Variants in PRR16 observed in about 807,000 individuals in gnomAD.
PRR16 encodes the protein proline rich 16.
PRR16 carries 6 observed loss-of-function variants against 18.2 expected under a neutral mutation model. The observed-to-expected ratio is 0.33, with a 90% confidence interval of 0.18 to 0.65. PRR16 has a LOEUF of 0.65. PRR16 is among the 30% of genes least tolerant of loss of function. The probability of loss-of-function intolerance (pLI) is 0.74; values close to 1 mark genes in which losing one functional copy is unlikely to be tolerated. For synonymous variants in PRR16, 151 were observed against 147.8 expected (o/e 1.02, Z -0.16); for missense variants, 412 against 376.6 (o/e 1.09, Z -0.78).
At chr5:120,785,589 T>TTTTTTTTTTTTTTTTTTTA in the PRR16 span, among the ~76,000 whole-genome samples, 1 of 144,100 alleles carries the variant, frequency 6.9e-6, no homozygotes. Context: ...TTTTTTTTTT[T>TTTTTTTTTTTTTTTTTTTA]TGAGACAGAG....
At chr5:120,528,038 A>T (rs1256915734) in intron 1 of PRR16, among the ~76,000 whole-genome samples, 1 of 152,184 alleles carries the variant, frequency 6.6e-6, no homozygotes, top group Non-Finnish European at 1.5e-5. Flanking sequence ...TTTAGGTAAA[A>T]GTTAGAATGG....
chr5:120,508,594 A>G (rs1438013431), intron 1 of PRR16, among the ~76,000 whole-genome samples: 1 of 152,098 alleles, frequency 6.6e-6, no homozygotes. Context: ...GCCCCTCCCC[A>G]TATCATTAGA....
chr5:120,547,036 G>A (rs1399637937), intron 1 of PRR16, among the ~76,000 whole-genome samples: 1 of 152,050 alleles, frequency 6.6e-6, no homozygotes, highest in Non-Finnish European at 1.5e-5. Flanking sequence ...GGTAAGTTTT[G>A]AGATGTTGCT....
the PRR16 span, among the ~76,000 whole-genome samples, chr5:120,703,065 C>T: frequency 4.6e-5 from 7 of 151,606 alleles, no homozygotes; most frequent in Admixed American, 3.9e-4. Flanking sequence ...AGAGAGTCAG[C>T]GAAGGGAGAT....
chr5:120,544,499 T>A (rs969409091), intron 1 of PRR16, among the ~76,000 whole-genome samples: 4 of 152,114 alleles, frequency 2.6e-5, no homozygotes, highest in Non-Finnish European at 5.9e-5. Context: ...TGCACACACA[T>A]GTATGTGTAT....
intron 1 of PRR16, among the ~76,000 whole-genome samples, chr5:120,622,298 G>C (rs1163814817): frequency 6.6e-6 from 1 of 151,892 alleles, no homozygotes; most frequent in Admixed American, 6.6e-5. Flanking sequence ...TCTACAGTTA[G>C]TTCTTGTTTT....
intron 1 of PRR16, among the ~76,000 whole-genome samples, chr5:120,649,241 A>G (rs17146893): frequency 0.054 from 8,166 of 152,140 alleles, 754 homozygotes; most frequent in African/African-American, 0.19. Context: ...TGAAGTTAGT[A>G]TGAGTATTAA....
the PRR16 span, among the ~76,000 whole-genome samples, chr5:120,736,537 C>CTTTTTTTT: frequency 5.6e-5 from 3 of 54,020 alleles, no homozygotes; most frequent in Admixed American, 2.3e-4. Flanking sequence ...AGTGTAAAGG[C>CTTTTTTTT]TTTTTTTTTT....
At chr5:120,716,162 C>G in the PRR16 span, among the ~76,000 whole-genome samples, 2 of 152,094 alleles carry the variant, frequency 1.3e-5, no homozygotes, top group South Asian at 4.1e-4. Context: ...GCTACAGTTA[C>G]TCAACATATA....
At chr5:120,605,895 C>T (rs1467955827) in intron 1 of PRR16, among the ~76,000 whole-genome samples, 5 of 152,122 alleles carry the variant, frequency 3.3e-5, no homozygotes, top group Non-Finnish European at 7.3e-5. Context: ...TAGTAGGGGG[C>T]CATGCATTCA....
At chr5:120,480,662 GAAGA>G (rs1194245838) in intron 1 of PRR16, among the ~76,000 whole-genome samples, 26 of 152,150 alleles carry the variant, frequency 1.7e-4, no homozygotes, top group Admixed American at 1.6e-3. Context: ...GCAAACTGAT[GAAGA>G]AAGAGAGTTA....
chr5:120,742,897 C>A, the PRR16 span, among the ~76,000 whole-genome samples: 1 of 152,156 alleles, frequency 6.6e-6, no homozygotes, highest in Non-Finnish European at 1.5e-5. Flanking sequence ...TAGCTCATGG[C>A]CCCCTTCCAG....
the PRR16 span, among the ~76,000 whole-genome samples, chr5:120,732,170 T>C: frequency 6.6e-6 from 1 of 152,204 alleles, no homozygotes; most frequent in African/African-American, 2.4e-5. Flanking sequence ...CATAGAGATA[T>C]CCTCCTCAGA....
chr5:120,627,019 T>C (rs1027700552), intron 1 of PRR16, among the ~76,000 whole-genome samples: 3 of 152,148 alleles, frequency 2.0e-5, no homozygotes, highest in Non-Finnish European at 4.4e-5. Context: ...CTGCAAAGCT[T>C]AAAAGAAATC....
chr5:120,644,277 ATTTAAC>A (rs1471321752), intron 1 of PRR16, among the ~76,000 whole-genome samples: 2 of 152,074 alleles, frequency 1.3e-5, no homozygotes, highest in African/African-American at 4.8e-5. Flanking sequence ...TATTTTTATT[ATTTAAC>A]TTTAACTTAT....
At chr5:120,513,201 C>A (rs1038804366) in intron 1 of PRR16, among the ~76,000 whole-genome samples, 5 of 152,154 alleles carry the variant, frequency 3.3e-5, no homozygotes, top group Admixed American at 1.3e-4. Flanking sequence ...AGCAGGATGT[C>A]TGCAACCTGT....
intron 1 of PRR16, among the ~76,000 whole-genome samples, chr5:120,588,140 A>T (rs893599883): frequency 1.3e-5 from 2 of 152,222 alleles, no homozygotes; most frequent in African/African-American, 4.8e-5. Context: ...AATTTAATGG[A>T]TGAGAGATTT....
At chr5:120,527,391 G>A (rs1409651202) in intron 1 of PRR16, among the ~76,000 whole-genome samples, 6 of 152,236 alleles carry the variant, frequency 3.9e-5, no homozygotes, top group African/African-American at 1.2e-4. Context: ...CATTCTTAGA[G>A]CTTATGGGCT....
chr5:120,595,321 A>T (rs1753764393), intron 1 of PRR16, among the ~76,000 whole-genome samples: 1 of 152,038 alleles, frequency 6.6e-6, no homozygotes, highest in African/African-American at 2.4e-5. Flanking sequence ...ACATATATGC[A>T]GTCAACCATC....
Sources: gnomAD v4.1 joint callset for allele counts (sites outside exome capture counted in the v4.1 genomes callset) on GRCh38, gnomAD v4.1.1 for gene constraint, MANE v1.5 for transcripts, NCBI Gene and HGNC (gene_info 2026-07-23, HGNC 2026-07-21) for gene names.